DLG2: variants seen among roughly 807,000 people sequenced by gnomAD.
DLG2 encodes the protein disks large homolog 2.
In DLG2, 45 loss-of-function variants were observed where a neutral mutation model predicts 132.5. That is an observed-to-expected ratio of 0.34 (90% CI 0.27 to 0.44). The LOEUF is 0.44. Among genes scored for constraint, DLG2 ranks in the 20% least tolerant of loss-of-function variants. DLG2 has a pLI of 1.00. For missense variants in DLG2, 1,045 were observed against 1,196.9 expected (o/e 0.87, Z 1.87); for synonymous variants, 424 against 419.6 (o/e 1.01, Z -0.13).
At chr11:83,824,677 T>C (rs1346104552) in intron 17 of DLG2, among the ~76,000 whole-genome samples, 2 of 152,174 alleles carry the variant, frequency 1.3e-5, no homozygotes, top group Non-Finnish European at 2.9e-5. Flanking sequence ...GATCTTTCAT[T>C]GAATTATGAA....
At chr11:83,949,267 G>A (rs2084815368) in intron 14 of DLG2, among the ~76,000 whole-genome samples, 1 of 152,058 alleles carries the variant, frequency 6.6e-6, no homozygotes. Flanking sequence ...TCAATAAATG[G>A]TGTTCCTTTC....
intron 3 of DLG2, among the ~76,000 whole-genome samples, chr11:85,429,314 C>A (rs938520632): frequency 6.6e-6 from 1 of 152,048 alleles, no homozygotes; most frequent in African/African-American, 2.4e-5. Context: ...CTGGCAGAGA[C>A]ACAACAAAAA....
At chr11:84,764,588 A>C (rs1023300479) in intron 6 of DLG2, among the ~76,000 whole-genome samples, 2 of 152,110 alleles carry the variant, frequency 1.3e-5, no homozygotes, top group Non-Finnish European at 1.5e-5. Context: ...TTTGGAAGTT[A>C]AAGCAGGTAA....
intron 6 of DLG2, among the ~76,000 whole-genome samples, chr11:84,863,289 T>C (rs2084038590): frequency 6.6e-6 from 1 of 152,100 alleles, no homozygotes; most frequent in Non-Finnish European, 1.5e-5. Flanking sequence ...AGATCTTTAC[T>C]ATGGCTGTCC....
chr11:83,987,666 C>G (rs1274014477), intron 11 of DLG2, among the ~76,000 whole-genome samples: 1 of 152,086 alleles, frequency 6.6e-6, no homozygotes, highest in Non-Finnish European at 1.5e-5. Context: ...GAAACTGGAT[C>G]CCTTCCTTAC....
At chr11:85,554,120 A>C (rs2076810934) in intron 3 of DLG2, among the ~76,000 whole-genome samples, 1 of 151,370 alleles carries the variant, frequency 6.6e-6, no homozygotes, top group African/African-American at 2.4e-5. Context: ...TTAAAAGGAC[A>C]ATAGAGTAAA....
At chr11:83,669,393 C>T (rs2076441483) in intron 18 of DLG2, among the ~76,000 whole-genome samples, 1 of 152,124 alleles carries the variant, frequency 6.6e-6, no homozygotes, top group Non-Finnish European at 1.5e-5. Flanking sequence ...AAGGTGTACT[C>T]CATCTTCATG....
At chr11:85,439,919 T>A (rs540353707) in intron 3 of DLG2, among the ~76,000 whole-genome samples, 2 of 152,300 alleles carry the variant, frequency 1.3e-5, no homozygotes, top group Admixed American at 1.3e-4. Flanking sequence ...CCATTTTTGC[T>A]TAATAAGGTC....
chr11:83,713,678 A>G (rs2086012421), intron 18 of DLG2, among the ~76,000 whole-genome samples: 1 of 152,254 alleles, frequency 6.6e-6, no homozygotes, highest in Admixed American at 6.5e-5. Context: ...TTAATATGCA[A>G]TGGAAAATAT....
intron 6 of DLG2, among the ~76,000 whole-genome samples, chr11:84,933,079 A>G (rs1338538712): frequency 6.6e-6 from 1 of 152,146 alleles, no homozygotes; most frequent in African/African-American, 2.4e-5. Context: ...ATGGTATCTC[A>G]TTGTGGGTTT....
At chr11:84,384,902 G>A (rs1291477541) in intron 7 of DLG2, among the ~76,000 whole-genome samples, 1 of 152,036 alleles carries the variant, frequency 6.6e-6, no homozygotes, top group Non-Finnish European at 1.5e-5. Context: ...ACATTCAAAG[G>A]CAACTTTAAC....
At chr11:84,252,535 A>G (rs1477051453) in intron 7 of DLG2, among the ~76,000 whole-genome samples, 3 of 152,154 alleles carry the variant, frequency 2.0e-5, no homozygotes, top group African/African-American at 7.2e-5. Flanking sequence ...GATATGTTCA[A>G]CTTTCTTTTT....
At chr11:84,540,190 T>C (rs1271746015) in intron 6 of DLG2, among the ~76,000 whole-genome samples, 4 of 152,046 alleles carry the variant, frequency 2.6e-5, no homozygotes, top group African/African-American at 9.7e-5. Context: ...AATTGACAAA[T>C]GGGATCTAAT....
rs745385363 is a variant in DLG2, at chr11:84,377,729, AG to A, written c.520-126439del. Reference sequence around the variant, plus strand: ...AAGTCTGAGAATGTTTATGATAAAAAGGTTCAAAATACAAGGTGAAATATTT... The same window carrying A: ...AAGTCTGAGAATGTTTATGATAAAAAGTTCAAAATACAAGGTGAAATATTT... On this transcript the variant is annotated intron_variant, in intron 7 of 27. Transcript: ENST00000376104. Among the ~76,000 whole-genome samples, 16 of 152,286 alleles carry A rather than the reference AG, an allele frequency of 1.1e-4. No homozygotes were observed. In the South Asian group the frequency reaches 3.3e-3, roughly 32 times the overall value.
intron 6 of DLG2, among the ~76,000 whole-genome samples, chr11:84,845,119 T>C (rs542149994): frequency 2.0e-5 from 3 of 152,284 alleles, no homozygotes; most frequent in African/African-American, 7.2e-5. Context: ...TCAGTTAACC[T>C]ACAACTGTGT....
At chr11:85,159,401 T>G (rs2077857538) in intron 4 of DLG2, among the ~76,000 whole-genome samples, 1 of 152,196 alleles carries the variant, frequency 6.6e-6, no homozygotes, top group South Asian at 2.1e-4. Context: ...GAATGCCAAA[T>G]GGAAACCATT....
chr11:84,896,943 T>A (rs1440751055), intron 6 of DLG2, among the ~76,000 whole-genome samples: 2 of 151,770 alleles, frequency 1.3e-5, no homozygotes, highest in Non-Finnish European at 3.0e-5. Flanking sequence ...TTTGAGCATA[T>A]CCCCTGTGGC....
At position 85,346,454 on chromosome 11, in the gene DLG2, C is replaced by A. The variant is rs560101699; in HGVS notation, c.41-61089G>T. Among the ~76,000 whole-genome samples the A allele has an allele frequency of 3.9e-5, 6 of 152,226 alleles. No individual in the cohort carries two copies. The East Asian group carries it at 1.2e-3, about 29-fold the overall frequency. On this transcript the variant is annotated intron_variant, in intron 3 of 27. Coordinates refer to ENST00000376104, the MANE Select transcript of DLG2 (RefSeq NM_001142699.3). Reference sequence around the variant, plus strand: ...CTGCCCGCCTCGGCCTCCCACAGTGCTGGGATTACAGGCTTAAGCCACCGC... The same window carrying A: ...CTGCCCGCCTCGGCCTCCCACAGTGATGGGATTACAGGCTTAAGCCACCGC...
chr11:84,740,347 C>A (rs551915996), intron 6 of DLG2, among the ~76,000 whole-genome samples: 1 of 152,234 alleles, frequency 6.6e-6, no homozygotes, highest in East Asian at 1.9e-4. Context: ...CATCAGGCTC[C>A]ATTGCCACTG....
Sources: gnomAD v4.1 joint callset for allele counts (sites outside exome capture counted in the v4.1 genomes callset) on GRCh38, gnomAD v4.1.1 for gene constraint, MANE v1.5 for transcripts, NCBI Gene and HGNC (gene_info 2026-07-23, HGNC 2026-07-21) for gene names.